Variants in XKR6 observed in about 807,000 individuals in gnomAD.
XKR6 encodes the protein XK related 6.
Under a neutral mutation model 56.7 loss-of-function variants are expected in XKR6, and 22 were observed. The ratio of observed to expected loss-of-function variants is 0.39; its 90% CI spans 0.28 to 0.55. The LOEUF is 0.55. Among genes scored for constraint, XKR6 ranks in the 20% least tolerant of loss-of-function variants. The pLI is 0.66. For synonymous variants in XKR6, 524 were observed against 387.8 expected, an observed-to-expected ratio of 1.35 and a Z score of -4.13; for missense variants, 852 against 889.0, an observed-to-expected ratio of 0.96 and a Z score of 0.53.
chr8:10,945,902 A>G (rs534990911), intron 1 of XKR6, among the ~76,000 whole-genome samples: 6 of 152,208 alleles, frequency 3.9e-5, no homozygotes, highest in South Asian at 2.1e-4. Flanking sequence ...CCTGTCCCCA[A>G]GCCTCACTCT....
intron 1 of XKR6, among the ~76,000 whole-genome samples, chr8:11,127,932 T>G (rs1276097460): frequency 6.6e-6 from 1 of 152,192 alleles, no homozygotes; most frequent in African/African-American, 2.4e-5. Context: ...CACTGTTACC[T>G]AAGGAGGACA....
intron 2 of XKR6, among the ~76,000 whole-genome samples, chr8:10,912,737 C>CAT (rs1197973239): frequency 3.7e-5 from 5 of 136,800 alleles, no homozygotes; most frequent in Admixed American, 7.4e-5. Context: ...TGTATATGCA[C>CAT]ATATATAGAG....
chr8:10,977,736 T>C (rs1009757310), intron 1 of XKR6, among the ~76,000 whole-genome samples: 2 of 151,098 alleles, frequency 1.3e-5, no homozygotes, highest in Non-Finnish European at 2.9e-5. Flanking sequence ...GGAGAAGTTT[T>C]GGAATCAGGC....
rs1474226955 is a variant in XKR6 at position 10,896,592 on chromosome 8, A to T, written c.*1360T>A. 6.6e-6 allele frequency: 1 copy of T among 152,616 alleles called. No homozygotes were observed. Among genetic ancestry groups the T allele is most frequent in the Non-Finnish European group, 1.5e-5 (1 of 68,032 alleles). 9.5% of individuals were successfully genotyped at this position (152,616 alleles called of 1,614,324 possible). A position where few individuals can be genotyped will look rare whatever the true frequency, so the allele number is the denominator to read the frequency against. ...ACACAAACACACACATACTACACAC[A>T]CAAAATTTCCCATTCAACCCAGATG... On this transcript the variant is annotated 3_prime_UTR_variant, in exon 3 of 3. Coordinates refer to ENST00000416569, the MANE Select transcript of XKR6 (RefSeq NM_173683.4).
intron 1 of XKR6, among the ~76,000 whole-genome samples, chr8:11,171,702 T>A (rs775719365): frequency 1.3e-5 from 2 of 152,192 alleles, no homozygotes; most frequent in Non-Finnish European, 2.9e-5. Context: ...GCCAGGGCCG[T>A]GCTTCTTGTA....
chr8:11,166,640 T>G (rs1392859133), intron 1 of XKR6, among the ~76,000 whole-genome samples: 3 of 152,186 alleles, frequency 2.0e-5, no homozygotes, highest in Admixed American at 1.3e-4. Context: ...TGGCGTGACC[T>G]TGGCTCACTG....
chr8:10,897,926 C>A lies in XKR6; in HGVS notation c.*26G>T, dbSNP rs768751769. 1.3e-6 allele frequency: 2 copies of A among 1,527,494 alleles called. No homozygotes were observed. 94.6% of individuals were successfully genotyped at this position (1,527,494 alleles called of 1,614,324 possible). On this transcript the variant is annotated 3_prime_UTR_variant, in exon 3 of 3. Coordinates refer to ENST00000416569, the MANE Select transcript of XKR6 (RefSeq NM_173683.4). ...TTTGCCGCAAACCAAACTTAAGGTC[C>A]CCTTCTCAACTTGGTCAAGATGCTC...
At chr8:10,983,121 G>C (rs1187954187) in intron 1 of XKR6, among the ~76,000 whole-genome samples, 2 of 151,710 alleles carry the variant, frequency 1.3e-5, no homozygotes, top group Non-Finnish European at 2.9e-5. Flanking sequence ...AAAAAATAAT[G>C]CAACAAGATA....
intron 1 of XKR6, among the ~76,000 whole-genome samples, chr8:10,975,729 C>T (rs1420798861): frequency 2.6e-5 from 4 of 152,224 alleles, no homozygotes; most frequent in Admixed American, 2.0e-4. Context: ...CAAATCCCAG[C>T]TCAGCCCAGC....
At chr8:10,951,731 G>A (rs1024420710) in intron 1 of XKR6, among the ~76,000 whole-genome samples, 2 of 152,316 alleles carry the variant, frequency 1.3e-5, no homozygotes, top group East Asian at 1.9e-4. Flanking sequence ...CACAGCAGGT[G>A]TGAAGCAGGG....
chr8:11,045,365 G>C (rs1370258411), intron 1 of XKR6, among the ~76,000 whole-genome samples: 1 of 151,900 alleles, frequency 6.6e-6, no homozygotes, highest in African/African-American at 2.4e-5. Context: ...TGGGATTATA[G>C]GTGTGAGCCA....
chr8:10,975,990 A>C (rs912799359), intron 1 of XKR6, among the ~76,000 whole-genome samples: 5 of 151,880 alleles, frequency 3.3e-5, no homozygotes, highest in South Asian at 2.1e-4. Flanking sequence ...CTGGCTAACA[A>C]GGTGAAACCC....
At position 11,055,798 on chromosome 8, in the gene XKR6, C is replaced by T. The variant is rs1799667753; in HGVS notation, c.765-130968G>A. Among the ~76,000 whole-genome samples the T allele has an allele frequency of 2.0e-5, 3 of 151,660 alleles. 1 individual carries two copies. The South Asian group carries it at 6.3e-4, about 32-fold the overall frequency. On this transcript the variant is annotated intron_variant, in intron 1 of 2. Coordinates refer to ENST00000416569, the MANE Select transcript of XKR6 (RefSeq NM_173683.4). ...ACAGCGGGCCCCGAAGTCCACTGCA[C>T]AGGGAGGAAAGCCATGGGTCGGGGG...
At chr8:10,990,573 A>T (rs1368518825) in intron 1 of XKR6, among the ~76,000 whole-genome samples, 1 of 152,020 alleles carries the variant, frequency 6.6e-6, no homozygotes, top group African/African-American at 2.4e-5. Flanking sequence ...GCTGCTGGGG[A>T]ATGTTTGTTG....
intron 1 of XKR6, among the ~76,000 whole-genome samples, chr8:10,986,768 G>A (rs1797872846): frequency 6.6e-6 from 1 of 151,794 alleles, no homozygotes; most frequent in South Asian, 2.1e-4. Context: ...CTTTTTCATA[G>A]GTTTTTATTG....
At chr8:11,194,889 T>G (rs1363412453) in intron 1 of XKR6, 1 of 505,544 alleles carries the variant, frequency 2.0e-6, no homozygotes, top group African/African-American at 2.0e-5. Context: ...TGGATCCTTC[T>G]GGAAATACTA....
chr8:10,968,072 G>A (rs990493545), intron 1 of XKR6, among the ~76,000 whole-genome samples: 18 of 152,186 alleles, frequency 1.2e-4, no homozygotes, highest in East Asian at 3.9e-4. Flanking sequence ...TCCTGTGAGC[G>A]AGGGGCCTGT....
chr8:10,910,313 G>C (rs931280445), intron 2 of XKR6, among the ~76,000 whole-genome samples: 4 of 151,980 alleles, frequency 2.6e-5, no homozygotes, highest in African/African-American at 9.7e-5. Flanking sequence ...ACTTGGCTGT[G>C]CCTAATAACT....
At chr8:11,059,022 T>C (rs1228179003) in intron 1 of XKR6, among the ~76,000 whole-genome samples, 2 of 152,190 alleles carry the variant, frequency 1.3e-5, no homozygotes, top group African/African-American at 4.8e-5. Flanking sequence ...AAAGTTGAAA[T>C]AGCGGCCCAA....
Sources: gnomAD v4.1 joint callset for allele counts (sites outside exome capture counted in the v4.1 genomes callset) on GRCh38, gnomAD v4.1.1 for gene constraint, MANE v1.5 for transcripts, NCBI Gene and HGNC (gene_info 2026-07-23, HGNC 2026-07-21) for gene names.